The following STAG1 variants were observed in gnomAD, a reference collection of about 807,000 sequenced individuals.
STAG1 encodes the protein STAG1 cohesin complex component.
In STAG1, 26 loss-of-function variants were observed where a neutral mutation model predicts 170.9. The observed-to-expected ratio is 0.15, with a 90% confidence interval of 0.11 to 0.21. The LOEUF (loss-of-function observed/expected upper bound fraction) is 0.21, where lower values mean the gene tolerates loss of function less well. STAG1 is among the 10% of genes least tolerant of loss of function. The probability of loss-of-function intolerance (pLI) is 1.00; values close to 1 mark genes in which losing one functional copy is unlikely to be tolerated. For synonymous variants in STAG1, 514 were observed against 497.7 expected (o/e 1.03, Z -0.44); for missense variants, 964 against 1,509.5 (o/e 0.64, Z 5.99).
intron 1 of STAG1, among the ~76,000 whole-genome samples, chr3:136,681,176 C>A (rs1335317172): frequency 2.0e-5 from 3 of 152,060 alleles, no homozygotes; most frequent in African/African-American, 2.4e-5. Flanking sequence ...AGATATAGAA[C>A]CCATGTACGA....
At chr3:136,367,890 G>GA (rs1385872682) in intron 24 of STAG1, among the ~76,000 whole-genome samples, 1 of 152,050 alleles carries the variant, frequency 6.6e-6, no homozygotes, top group African/African-American at 2.4e-5. Flanking sequence ...TCTAATCCTA[G>GA]AAAAAACATG....
intron 25 of STAG1, among the ~76,000 whole-genome samples, chr3:136,366,157 T>C (rs1937066994): frequency 6.6e-6 from 1 of 152,014 alleles, no homozygotes; most frequent in African/African-American, 2.4e-5. Context: ...AAATCCCAGT[T>C]TCTGTTATTT....
intron 1 of STAG1, among the ~76,000 whole-genome samples, chr3:136,708,170 T>G (rs1272472586): frequency 6.6e-6 from 1 of 152,150 alleles, no homozygotes. Context: ...AATTAAAATA[T>G]ATATCCACAC....
chr3:136,366,871 GTCA>G, intron 25 of STAG1, 69 bp downstream of exon 25: 1 of 1,323,904 alleles, frequency 7.6e-7, no homozygotes, highest in Non-Finnish European at 1.0e-6. Flanking sequence ...TTTAGCTTCT[GTCA>G]TCATCCTTTC....
intron 1 of STAG1, among the ~76,000 whole-genome samples, chr3:136,681,740 T>A (rs1391053411): frequency 1.3e-5 from 2 of 151,872 alleles, no homozygotes; most frequent in African/African-American, 4.8e-5. Context: ...ATCCAACGTA[T>A]GAAAATCAAT....
chr3:136,524,604 C>T (rs1211641866), intron 6 of STAG1, among the ~76,000 whole-genome samples: 82 of 152,224 alleles, frequency 5.4e-4, no homozygotes, highest in Non-Finnish European at 3.4e-4. Flanking sequence ...TCCTGCCTGA[C>T]TGCCCTGGCC....
chr3:136,668,336 A>G lies in STAG1; in HGVS notation c.-83-37355T>C, dbSNP rs1376547399. On this transcript the variant is annotated intron_variant, in intron 1 of 33. Transcript: ENST00000383202. ...GACATATATATTATACATGATATAT[A>G]CCATATATTATACATGATATATATT... Among the ~76,000 whole-genome samples, 174 of 146,176 alleles carry G rather than the reference A, an allele frequency of 1.2e-3. 3 individuals are homozygous for G. Among genetic ancestry groups the G allele is most frequent in the Non-Finnish European group, 2.1e-4 (14 of 66,832 alleles).
chr3:136,566,537 A>G (rs953794834), intron 5 of STAG1, among the ~76,000 whole-genome samples: 3 of 152,242 alleles, frequency 2.0e-5, no homozygotes, highest in South Asian at 2.1e-4. Context: ...GCTTACTTGT[A>G]TATTACGTGA....
chr3:136,379,526 T>C lies in STAG1; in HGVS notation c.2278-1774A>G, dbSNP rs186676956. ...GAGTTCGAGACCAGCCTGGCCAACA[T>C]GATGAAACCCCGTCTCTATTAAAAA... On this transcript the variant is annotated intron_variant, in intron 22 of 33. Transcript: ENST00000383202. 1.3e-4 allele frequency among the ~76,000 whole-genome samples: 20 copies of C among 152,128 alleles called. No individual in the cohort carries two copies. In the East Asian group the frequency reaches 3.9e-3, roughly 29 times the overall value.
At chr3:136,533,437 A>G (rs1160409931) in intron 6 of STAG1, among the ~76,000 whole-genome samples, 1 of 152,142 alleles carries the variant, frequency 6.6e-6, no homozygotes, top group African/African-American at 2.4e-5. Context: ...TTATAAAGAA[A>G]AGAGGTTTAC....
chr3:136,694,479 G>A (rs761464203), intron 1 of STAG1, among the ~76,000 whole-genome samples: 4 of 152,028 alleles, frequency 2.6e-5, no homozygotes, highest in Non-Finnish European at 5.9e-5. Flanking sequence ...AGCTGGGTGT[G>A]GTGGCACATC....
At chr3:136,501,515 G>C (rs1933470436) in intron 8 of STAG1, among the ~76,000 whole-genome samples, 1 of 152,178 alleles carries the variant, frequency 6.6e-6, no homozygotes, top group Non-Finnish European at 1.5e-5. Flanking sequence ...TTGGAATTAT[G>C]CTGCCACCAG....
At chr3:136,533,305 T>C (rs1041113064) in intron 6 of STAG1, among the ~76,000 whole-genome samples, 1 of 152,054 alleles carries the variant, frequency 6.6e-6, no homozygotes, top group African/African-American at 2.4e-5. Context: ...CCAAGAATAT[T>C]GGTAAAATGT....
intron 21 of STAG1, among the ~76,000 whole-genome samples, chr3:136,404,693 T>A (rs2087426073): frequency 6.6e-6 from 1 of 152,128 alleles, no homozygotes; most frequent in African/African-American, 2.4e-5. Context: ...GCTGAATCAG[T>A]GAGAATCATT....
intron 6 of STAG1, among the ~76,000 whole-genome samples, chr3:136,525,080 G>A (rs139515208): frequency 6.6e-6 from 1 of 152,276 alleles, no homozygotes; most frequent in East Asian, 1.9e-4. Context: ...TCTCTGCCAG[G>A]CTTTGGTATC....
intron 4 of STAG1, among the ~76,000 whole-genome samples, chr3:136,579,958 A>ATTATTTTTTTTTTTT: frequency 1.4e-5 from 1 of 73,646 alleles, no homozygotes; most frequent in African/African-American, 5.9e-5. Context: ...TACCATCTGA[A>ATTATTTTTTTTTTTT]TTTTTTTTTT....
intron 1 of STAG1, among the ~76,000 whole-genome samples, chr3:136,711,841 A>C (rs912844965): frequency 4.6e-5 from 7 of 152,206 alleles, no homozygotes; most frequent in Admixed American, 2.0e-4. Context: ...CACACACACA[A>C]AAATCTATTC....
chr3:136,747,181 G>A (rs988150248), intron 1 of STAG1, among the ~76,000 whole-genome samples: 4 of 149,060 alleles, frequency 2.7e-5, no homozygotes, highest in Non-Finnish European at 4.4e-5. Context: ...GCTGGGGCAG[G>A]AGAATCACTT....
intron 27 of STAG1, 36 bp from the exon 28 acceptor site, chr3:136,357,884 A>G (rs777802127): frequency 5.1e-6 from 8 of 1,557,618 alleles, no homozygotes; most frequent in Non-Finnish European, 6.1e-6. Context: ...ATTTTTCCAG[A>G]TAGTGTAATT....
Sources: gnomAD v4.1 joint callset for allele counts (sites outside exome capture counted in the v4.1 genomes callset) on GRCh38, gnomAD v4.1.1 for gene constraint, MANE v1.5 for transcripts, NCBI Gene and HGNC (gene_info 2026-07-23, HGNC 2026-07-21) for gene names.